Variants in VIPR2 observed in about 807,000 individuals in gnomAD.
VIPR2 encodes the protein vasoactive intestinal peptide receptor 2, also known as vasoactive intestinal polypeptide receptor 2.
VIPR2 carries 48 observed loss-of-function variants against 58.0 expected under a neutral mutation model. The ratio of observed to expected loss-of-function variants is 0.83; its 90% CI spans 0.66 to 1.05. The LOEUF (loss-of-function observed/expected upper bound fraction) is 1.05. VIPR2 is among the 50% of genes least tolerant of loss of function. The pLI, the probability that VIPR2 is intolerant of heterozygous loss-of-function variation, is 0.00. For synonymous variants in VIPR2, 243 were observed against 235.2 expected (o/e 1.03, Z -0.30); for missense variants, 534 against 558.0 (o/e 0.96, Z 0.43).
At chr7:159,049,352 T>C (rs1563272181) in intron 5 of VIPR2, among the ~76,000 whole-genome samples, 2 of 152,118 alleles carry the variant, frequency 1.3e-5, no homozygotes, top group Non-Finnish European at 2.9e-5. Flanking sequence ...CCCAAGGGCT[T>C]TGGGGAGCAG....
chr7:159,041,146 T>G (rs1854303280), intron 6 of VIPR2, among the ~76,000 whole-genome samples: 1 of 152,214 alleles, frequency 6.6e-6, no homozygotes, highest in Non-Finnish European at 1.5e-5. Flanking sequence ...ACTGCTCTTC[T>G]GAAGGCGAAT....
chr7:159,126,868 G>A (rs910531416), intron 2 of VIPR2, among the ~76,000 whole-genome samples: 2 of 152,346 alleles, frequency 1.3e-5, no homozygotes, highest in Middle Eastern at 6.8e-3. Flanking sequence ...GCCACGCACT[G>A]TACTATGGGC....
At position 159,103,826 on chromosome 7, in the gene VIPR2, G is replaced by T. The variant is rs2270313; in HGVS notation, c.288C>A (p.Asp96Glu). Residue 96 changes from aspartate (D) to glutamate (E), a missense_variant, in exon 4 of 13, where the codon GAC becomes GAA. This residue lies in a region of VIPR2 where 224 missense variants were observed against 255.7 expected (regional missense o/e 0.88). Transcript: ENST00000262178. ...AGNISKNCTS[D>E]GWSETFPDFV... is the part of the protein sequence containing the mutation. ...AATCTGGGAACGTCTCTGACCATCC[G>T]TCACTCGTACAGTTTTTGCTTATGT... The T allele has an allele frequency of 1.9e-6, 3 of 1,613,830 alleles. No homozygotes were observed. The South Asian group carries it at 3.3e-5, about 18-fold the overall frequency.
intron 7 of VIPR2, 83 bp downstream of exon 7, chr7:159,036,669 T>C (rs1853978674): frequency 6.7e-7 from 1 of 1,486,776 alleles, no homozygotes; most frequent in East Asian, 2.4e-5. Flanking sequence ...GGCGGCAAAG[T>C]GTTTTCTGAG....
At position 159,099,555 on chromosome 7, in the gene VIPR2, G is replaced by A. The variant is rs1360814235; in HGVS notation, c.357+4202C>T. On this transcript the variant is annotated intron_variant, in intron 4 of 12. Coordinates refer to ENST00000262178, the MANE Select transcript of VIPR2 (RefSeq NM_003382.5). The surrounding 1 kb of genome is among the most constrained non-coding windows in gnomAD (Gnocchi z 4.2). Reference sequence around the variant, plus strand: ...TGGGGCTCAGAAAGGAGGTTCCCAGGGAATGCTTATTGAATAAAGGAAGGA... The same window carrying A: ...TGGGGCTCAGAAAGGAGGTTCCCAGAGAATGCTTATTGAATAAAGGAAGGA... Among the ~76,000 whole-genome samples, 2 of 152,176 alleles carry A rather than the reference G, an allele frequency of 1.3e-5. No homozygotes were observed. The highest frequency in any genetic ancestry group is 4.8e-5 in the African/African-American group (2 of 41,436).
At position 159,035,991 on chromosome 7, in the gene VIPR2, C is replaced by G; in HGVS notation, c.770G>C (p.Gly257Ala). The G allele has an allele frequency of 1.2e-6, 2 of 1,613,572 alleles. No homozygotes were observed. The highest frequency in any genetic ancestry group is 2.2e-5 in the South Asian group (2 of 90,974). ...GTAGAGCCTGGCCGCAGTCCATGCACCGATGCAGACGGTGGGGAGGCCTGC... is the reference window on the plus strand; with the variant it reads ...GTAGAGCCTGGCCGCAGTCCATGCAGCGATGCAGACGGTGGGGAGGCCTGC... ...IGWGLPTVCI[G>A]AWTAARLYLE... Residue 257 changes from glycine to alanine, a missense_variant, in exon 8 of 13, where the codon GGT becomes GCT. By Grantham distance (60) the Gly-to-Ala change is moderately conservative (BLOSUM62 0). Around this residue, in one of 3 missense-constraint regions of VIPR2, gnomAD observed 306 missense variants for 285.8 expected, o/e 1.07. Coordinates refer to ENST00000262178, the MANE Select transcript of VIPR2 (RefSeq NM_003382.5).
chr7:159,110,625 G>A (rs1795959418), intron 2 of VIPR2, among the ~76,000 whole-genome samples: 1 of 152,064 alleles, frequency 6.6e-6, no homozygotes, highest in African/African-American at 2.4e-5. Flanking sequence ...TACTATATTT[G>A]AGACCTCTAA....
chr7:159,074,162 C>T (rs1483932996), intron 4 of VIPR2, among the ~76,000 whole-genome samples: 1 of 152,158 alleles, frequency 6.6e-6, no homozygotes, highest in African/African-American at 2.4e-5. Context: ...CAGAAATAAT[C>T]AGTAAAACTA....
chr7:159,072,385 A>T (rs1226293813), intron 4 of VIPR2, among the ~76,000 whole-genome samples: 2 of 152,260 alleles, frequency 1.3e-5, no homozygotes, highest in Admixed American at 1.3e-4. Context: ...TTAAAACTAG[A>T]AAAACAGTAA....
At chr7:159,113,054 T>G (rs1240747128) in intron 2 of VIPR2, among the ~76,000 whole-genome samples, 1 of 152,190 alleles carries the variant, frequency 6.6e-6, no homozygotes, top group Non-Finnish European at 1.5e-5. Flanking sequence ...GGAGTGGCTC[T>G]AGGAGTGAGA....
chr7:159,068,856 G>C (rs143831054), intron 4 of VIPR2, among the ~76,000 whole-genome samples: 35 of 152,316 alleles, frequency 2.3e-4, no homozygotes, highest in African/African-American at 7.5e-4. Context: ...CTTGTGATCA[G>C]AGTTCAGACT....
chr7:159,096,974 C>A lies in VIPR2; in HGVS notation c.357+6783G>T. 1 of 1,550,628 alleles carries A rather than the reference C, an allele frequency of 6.4e-7. No homozygotes were observed. The stretch of plus-strand genomic sequence containing the variant: ...CTTGGCACCTGCTGGGCCTGAGGAC[C>A]ATGAGGGGAGGCTTCCTTCAGAAAA... On this transcript the variant is annotated intron_variant, in intron 4 of 12. Transcript: ENST00000262178. The surrounding 1 kb of genome is among the most constrained non-coding windows in gnomAD (Gnocchi z 5.5).
At chr7:159,038,143 G>A (rs1303461823) in intron 6 of VIPR2, among the ~76,000 whole-genome samples, 1 of 152,052 alleles carries the variant, frequency 6.6e-6, no homozygotes, top group African/African-American at 2.4e-5. Context: ...TTTGGCCTCC[G>A]GGGTCCTGAG....
chr7:159,102,957 A>G (rs1016703934), intron 4 of VIPR2, among the ~76,000 whole-genome samples: 3 of 152,208 alleles, frequency 2.0e-5, no homozygotes, highest in African/African-American at 7.2e-5. Flanking sequence ...CGGTGCTGCC[A>G]GGGCTGCCGG....
At chr7:159,063,891 TGGGGGGATCTG>T (rs1855910435) in intron 4 of VIPR2, among the ~76,000 whole-genome samples, 1 of 24,014 alleles carries the variant, frequency 4.2e-5, no homozygotes, top group African/African-American at 2.1e-4. Flanking sequence ...CTGGGGGTCC[TGGGGGGATCTG>T]GGGTTCCTGG....
rs530261390 is a variant in VIPR2 at position 159,082,288 on chromosome 7, A to G, written c.357+21469T>C. On this transcript the variant is annotated intron_variant, in intron 4 of 12. Transcript: ENST00000262178. ...CACCATGGAATACTATGCAGCCATA[A>G]AAAATGATGAGTTCATGTCCTTTGT... is the stretch of plus-strand genomic sequence containing the variant. Among the ~76,000 whole-genome samples, 4 of 152,318 alleles carry G rather than the reference A, an allele frequency of 2.6e-5. No homozygotes were observed. In the South Asian group the frequency reaches 8.3e-4, roughly 32 times the overall value.
intron 4 of VIPR2, among the ~76,000 whole-genome samples, chr7:159,090,082 C>T (rs1417448018): frequency 1.4e-5 from 2 of 147,836 alleles, no homozygotes; most frequent in African/African-American, 5.2e-5. Context: ...GCTGGGACCA[C>T]ACACAGGGGC....
rs530911639 is a variant in VIPR2, at chr7:159,128,158, G to A, written c.151+14288C>T. On this transcript the variant is annotated intron_variant, in intron 2 of 12. Transcript: ENST00000262178. This position sits in a 1 kb window ranked among gnomAD's most constrained non-coding sequence, Gnocchi z 4.1. ...CCCCTGAGGGATGTGACGGGGGTGGGGGGACACCACCCCAGCTTAGTCAGG... is the reference window on the plus strand; with the variant it reads ...CCCCTGAGGGATGTGACGGGGGTGGAGGGACACCACCCCAGCTTAGTCAGG... Among the ~76,000 whole-genome samples the A allele has an allele frequency of 5.9e-5, 9 of 152,222 alleles. No individual in the cohort carries two copies. In the South Asian group the frequency reaches 1.2e-3, roughly 21 times the overall value.
At chr7:159,085,711 TTTCAGTTTTTTTTTTTCG>T (rs1321428945) in intron 4 of VIPR2, among the ~76,000 whole-genome samples, 1 of 137,444 alleles carries the variant, frequency 7.3e-6, no homozygotes, top group Middle Eastern at 3.3e-3. Context: ...TACTCTTTTG[TTTCAGTTTTTTTTTTTCG>T]TTAGGAGTAA....
Sources: allele counts gnomAD v4.1 joint callset (sites outside exome capture counted in the v4.1 genomes callset), GRCh38; gene constraint gnomAD v4.1.1; regional missense constraint gnomAD v4.1.1; non-coding constraint Gnocchi (gnomAD v3.1); transcripts MANE v1.5; gene names NCBI Gene and HGNC (gene_info 2026-07-23, HGNC 2026-07-21).